The following TAGLN3 variants were observed in gnomAD, a reference collection of about 807,000 sequenced individuals.
The protein encoded by TAGLN3 is transgelin-3.
A neutral mutation model predicts 25.4 loss-of-function variants in TAGLN3; 12 were observed. The observed-to-expected ratio is 0.47, with a 90% CI of 0.30 to 0.77. The LOEUF is 0.77. Among genes scored for constraint, TAGLN3 ranks in the 30% least tolerant of loss-of-function variants. TAGLN3 has a pLI of 0.06. For synonymous variants in TAGLN3, 96 were observed against 94.8 expected (o/e 1.01, Z -0.08); for missense variants, 218 against 255.8 (o/e 0.85, Z 1.01).
At chr3:112,002,274 T>C (rs1364400244) in intron 3 of TAGLN3, among the ~76,000 whole-genome samples, 7 of 152,268 alleles carry the variant, frequency 4.6e-5, no homozygotes, top group South Asian at 4.1e-4. Flanking sequence ...AAGTGCTTTA[T>C]TGCATAATGT....
chr3:112,005,507 T>C (rs1342431812), intron 3 of TAGLN3, among the ~76,000 whole-genome samples: 1 of 151,986 alleles, frequency 6.6e-6, no homozygotes, highest in Non-Finnish European at 1.5e-5. Context: ...GGAGGTGTGG[T>C]TTACATTGGA....
chr3:112,002,763 G>T (rs56372737), intron 3 of TAGLN3, among the ~76,000 whole-genome samples: 32,516 of 152,056 alleles, frequency 0.21, 4,063 homozygotes, highest in East Asian at 0.31. Flanking sequence ...TGCTTTACTT[G>T]TCTCTCCCCT....
rs1553760679 is a variant in TAGLN3, at chr3:112,013,799, A to ATTACTTAT, written c.*251_*252insCTTATTTA. On this transcript the variant is annotated 3_prime_UTR_variant, in exon 5 of 5. Coordinates refer to ENST00000478951, the MANE Select transcript of TAGLN3 (RefSeq NM_001008272.2). ...CCTCGGGCCCCAGAGTCTCTGTTTG[A>ATTACTTAT]TTATTTATTTATTTATTTATTTATT... is the stretch of plus-strand genomic sequence containing the variant. 3.9e-6 allele frequency: 2 copies of ATTACTTAT among 506,706 alleles called. No homozygotes were observed. Among genetic ancestry groups the ATTACTTAT allele is most frequent in the African/African-American group, 4.0e-5 (2 of 50,480 alleles). The allele number at this position is 506,706 out of a possible 1,614,324, so 31.4% of individuals were successfully genotyped here.
Position 112,011,744 on chromosome 3 carries a change from G to T in TAGLN3, c.356-19G>T, listed in dbSNP as rs3749311. 0.53 allele frequency: 854,753 copies of T among 1,606,876 alleles called. 232,697 individuals are homozygous for T. Among genetic ancestry groups the T allele is most frequent in the Middle Eastern group, 0.6 (3,504 of 5,792 alleles). On this transcript the variant is annotated intron_variant, in intron 3 of 4. Coordinates refer to ENST00000478951, the MANE Select transcript of TAGLN3 (RefSeq NM_001008272.2). ...GGCTCTGACACGTGCTTGGCTTTAAGCTCTTTGTTGGCTTCCAGGGAAGGA... is the reference window on the plus strand; with the variant it reads ...GGCTCTGACACGTGCTTGGCTTTAATCTCTTTGTTGGCTTCCAGGGAAGGA...
rs939258415 is a variant in TAGLN3, at chr3:111,998,935, A to T, written c.-182A>T. 1 of 152,802 alleles carries T rather than the reference A, an allele frequency of 6.5e-6. No homozygotes were observed. Among genetic ancestry groups the T allele is most frequent in the Non-Finnish European group, 1.5e-5 (1 of 68,436 alleles). The allele number at this position is 152,802 out of a possible 1,614,324, so 9.5% of individuals were successfully genotyped here. A position where few individuals can be genotyped will look rare whatever the true frequency, so the allele number is the denominator to read the frequency against. ...CATGAGAAAATCAAATCAATGTGCC[A>T]TTCTTCCAGGCGCGAGGCAGCAGCG... On this transcript the variant is annotated 5_prime_UTR_variant, in exon 1 of 5. Coordinates refer to ENST00000478951, the MANE Select transcript of TAGLN3 (RefSeq NM_001008272.2).
At chr3:112,002,652 C>CCA (rs397731688) in intron 3 of TAGLN3, among the ~76,000 whole-genome samples, 1 of 151,132 alleles carries the variant, frequency 6.6e-6, no homozygotes, top group East Asian at 2.0e-4. Flanking sequence ...GTCCCCCCCC[C>CCA]ACCCCACAAA....
intron 1 of TAGLN3, 89 bp from the exon 2 acceptor site, chr3:111,999,332 C>A: frequency 6.8e-7 from 1 of 1,462,882 alleles, no homozygotes; most frequent in East Asian, 2.4e-5. Flanking sequence ...CCAGGTTGCC[C>A]AGCCATATCC....
intron 3 of TAGLN3, among the ~76,000 whole-genome samples, chr3:112,010,464 AT>A (rs1462491696): frequency 1.3e-5 from 2 of 152,212 alleles, no homozygotes; most frequent in Non-Finnish European, 2.9e-5. Flanking sequence ...CTACATTTAT[AT>A]TTTTTAAAAA....
At chr3:112,013,151 A>G (rs2072997147) in intron 4 of TAGLN3, among the ~76,000 whole-genome samples, 1 of 152,136 alleles carries the variant, frequency 6.6e-6, no homozygotes, top group Non-Finnish European at 1.5e-5. Flanking sequence ...TCTAAAAGAT[A>G]GGGAGCTCAT....
Position 111,999,606 on chromosome 3 carries a change from AGGCC to A in TAGLN3, c.180+8_180+11del. On this transcript the variant is annotated splice_donor_5th_base_variant and intron_variant, in intron 2 of 4. Coordinates refer to ENST00000478951, the MANE Select transcript of TAGLN3 (RefSeq NM_001008272.2). ...GAAATGGTTAATGGACGGGACGGTA[AGGCC>A]GGCAGCGATCTCGGTTGCTGGGGCG... The A allele has an allele frequency of 6.2e-7, 1 of 1,610,778 alleles. No homozygotes were observed. The highest frequency in any genetic ancestry group is 8.5e-7 in the Non-Finnish European group (1 of 1,177,438).
intron 4 of TAGLN3, among the ~76,000 whole-genome samples, chr3:112,012,318 T>A: frequency 6.8e-6 from 1 of 147,790 alleles, no homozygotes. Context: ...TTCTTTTTTG[T>A]TTGTGTACTT....
intron 2 of TAGLN3, 105 bp downstream of exon 2, chr3:111,999,707 C>G: frequency 4.2e-6 from 6 of 1,417,448 alleles, no homozygotes; most frequent in Non-Finnish European, 5.7e-6. Flanking sequence ...TTGCCAAGCT[C>G]TATGTCTCAC....
intron 4 of TAGLN3, 54 bp downstream of exon 4, chr3:112,011,919 G>A (rs3828394): frequency 0.26 from 396,032 of 1,549,136 alleles, 52,578 homozygotes; most frequent in East Asian, 0.38. Context: ...ACCAGAGGGA[G>A]GGTCTGAAGC....
At chr3:112,000,556 A>G (rs2107719047) in intron 2 of TAGLN3, 1 of 477,986 alleles carries the variant, frequency 2.1e-6, no homozygotes, top group Non-Finnish European at 3.7e-6. Context: ...GAATCTCTGT[A>G]GTAAGGAGCA....
chr3:112,007,375 A>G (rs2072929552), intron 3 of TAGLN3, among the ~76,000 whole-genome samples: 1 of 152,202 alleles, frequency 6.6e-6, no homozygotes, highest in Admixed American at 6.5e-5. Flanking sequence ...GTACTGCCCT[A>G]AAAAGCTTCT....
Position 111,999,698 on chromosome 3 carries a change from T to C in TAGLN3, c.180+96T>C, listed in dbSNP as rs968771517. Reference sequence around the variant, plus strand: ...GTAAGGCTGCGGGAAGAGCTGCTGTTGCCAAGCTCTATGTCTCACCGGGAG... The same window carrying C: ...GTAAGGCTGCGGGAAGAGCTGCTGTCGCCAAGCTCTATGTCTCACCGGGAG... On this transcript the variant is annotated intron_variant, in intron 2 of 4. Transcript: ENST00000478951. 18 of 1,469,196 alleles carry C rather than the reference T, an allele frequency of 1.2e-5. No homozygotes were observed. In the African/African-American group the frequency reaches 2.4e-4, roughly 19 times the overall value. The allele number at this position is 1,469,196 out of a possible 1,614,324, so 91.0% of individuals were successfully genotyped here.
At chr3:112,011,949 T>C in intron 4 of TAGLN3, 84 bp downstream of exon 4, 1 of 1,290,468 alleles carries the variant, frequency 7.7e-7, no homozygotes, top group Non-Finnish European at 1.1e-6. Context: ...CTACAGAGGC[T>C]TTATGTGCAA....
chr3:112,000,155 GGC>G (rs1386354085), intron 2 of TAGLN3, among the ~76,000 whole-genome samples: 1 of 152,202 alleles, frequency 6.6e-6, no homozygotes, highest in African/African-American at 2.4e-5. Flanking sequence ...GAGGGCCGCA[GGC>G]TCTGTGATTC....
intron 3 of TAGLN3, among the ~76,000 whole-genome samples, chr3:112,008,704 G>A (rs1386419904): frequency 6.6e-6 from 1 of 152,320 alleles, no homozygotes; most frequent in Non-Finnish European, 1.5e-5. Flanking sequence ...CAGTCCAAGA[G>A]TGCTGGAATT....
Sources: allele counts gnomAD v4.1 joint callset (sites outside exome capture counted in the v4.1 genomes callset), GRCh38; gene constraint gnomAD v4.1.1; transcripts MANE v1.5; gene names NCBI Gene and HGNC (gene_info 2026-07-23, HGNC 2026-07-21).